Variants in NCOR2 observed in about 807,000 individuals in gnomAD.
The protein encoded by NCOR2 is nuclear receptor corepressor 2.
In NCOR2, 81 loss-of-function variants were observed where a neutral mutation model predicts 262.9. The ratio of observed to expected loss-of-function variants is 0.31; its 90% CI spans 0.26 to 0.37. NCOR2 has a LOEUF of 0.37. Ranked by LOEUF, NCOR2 falls within the 10% of genes least tolerant of loss-of-function variation. The pLI is 1.00. For synonymous variants in NCOR2, 1,659 were observed against 1,559.3 expected (o/e 1.06, Z -1.51); for missense variants, 3,385 against 3,621.4 (o/e 0.93, Z 1.68).
At chr12:124,429,652 G>T in exon 10 of NCOR2, 1 of 1,609,724 alleles carries the variant, frequency 6.2e-7, no homozygotes, top group Non-Finnish European at 8.5e-7. Flanking sequence ...CTGACACCTC[G>T]TGCTCGCTGC....
chr12:124,499,179 G>A (rs1395744921), upstream of NCOR2, among the ~76,000 whole-genome samples: 1 of 152,278 alleles, frequency 6.6e-6, no homozygotes, highest in Non-Finnish European at 1.5e-5. Context: ...GGGGGCAGGA[G>A]AGGACGAGGG....
At chr12:124,429,524 C>G in intron 10 of NCOR2, 89 bp downstream of exon 12, 1 of 1,382,012 alleles carries the variant, frequency 7.2e-7, no homozygotes, top group African/African-American at 1.4e-5. Context: ...GTAAACCACC[C>G]GGGAGGTGGT....
intron 1 of NCOR2, among the ~76,000 whole-genome samples, chr12:124,527,726 T>G (rs929979124): frequency 6.6e-6 from 1 of 152,170 alleles, no homozygotes; most frequent in African/African-American, 2.4e-5. Context: ...CCCAGTCAAT[T>G]AAATAAATTA....
intron 22 of NCOR2, among the ~76,000 whole-genome samples, chr12:124,358,129 A>ATG (rs1326409480): frequency 2.6e-4 from 23 of 88,750 alleles, no homozygotes; most frequent in Middle Eastern, 0.013. Context: ...GAGTGCATGG[A>ATG]TGTGTGTGTG....
chr12:124,539,587 C>G (rs2051227252), upstream of NCOR2: 1 of 152,490 alleles, frequency 6.6e-6, no homozygotes, highest in Admixed American at 6.5e-5. The surrounding 1 kb of genome is among the most constrained non-coding windows in gnomAD (Gnocchi z 5.1). Flanking sequence ...GCTGGCCAGG[C>G]TAGTCTCCCG....
intron 6 of NCOR2, among the ~76,000 whole-genome samples, chr12:124,456,060 G>C (rs1382088723): frequency 1.3e-5 from 2 of 152,234 alleles, no homozygotes; most frequent in Non-Finnish European, 2.9e-5. Flanking sequence ...ATTTTTTGCA[G>C]AGACAAGGTC....
At chr12:124,401,808 G>C (rs778642403) in intron 14 of NCOR2, among the ~76,000 whole-genome samples, 20 of 152,210 alleles carry the variant, frequency 1.3e-4, no homozygotes, top group Non-Finnish European at 2.6e-4. Flanking sequence ...GATGTTCTCT[G>C]AAGCCAAATT....
chr12:124,423,494 A>G (rs1010022715), intron 11 of NCOR2, among the ~76,000 whole-genome samples: 1 of 152,118 alleles, frequency 6.6e-6, no homozygotes, highest in Non-Finnish European at 1.5e-5. Context: ...GATCCTGAAC[A>G]GTCTCTGCTC....
At position 124,372,255 on chromosome 12, in the gene NCOR2, G is replaced by A. The variant is rs191065620; in HGVS notation, c.2574C>T (p.Ala858=). 456 of 1,585,102 alleles carry A rather than the reference G, an allele frequency of 2.9e-4. No homozygotes were observed. The highest frequency in any genetic ancestry group is 2.2e-3 in the African/African-American group (162 of 74,492). The change falls in exon 20 of 47, where the codon GCC becomes GCT. Residue 858 remains alanine, a synonymous_variant. Transcript: ENST00000405201. Reference sequence around the variant, plus strand: ...TGCACTCGCTCTTGACGGGCTCCTCGGCCTTCCCTGTGTCCACTGCCAGCT... The same window carrying A: ...TGCACTCGCTCTTGACGGGCTCCTCAGCCTTCCCTGTGTCCACTGCCAGCT...
At chr12:124,474,653 A>G (rs2047003401) in intron 3 of NCOR2, among the ~76,000 whole-genome samples, 1 of 152,170 alleles carries the variant, frequency 6.6e-6, no homozygotes, top group Admixed American at 6.5e-5. Flanking sequence ...TTCCTGCCTC[A>G]GTTCCTCATC....
intron 4 of NCOR2, among the ~76,000 whole-genome samples, chr12:124,469,756 C>T (rs1295955058): frequency 6.6e-6 from 1 of 152,194 alleles, no homozygotes; most frequent in African/African-American, 2.4e-5. Context: ...AAAACTGCTG[C>T]ACAGCAGTGA....
intron 22 of NCOR2, among the ~76,000 whole-genome samples, chr12:124,360,688 G>A (rs879925815): frequency 1.3e-4 from 11 of 84,734 alleles, no homozygotes; most frequent in Admixed American, 6.1e-4. Context: ...AACCACCCCC[G>A]GCGACTCCTC....
intron 1 of NCOR2, among the ~76,000 whole-genome samples, chr12:124,528,683 T>G (rs978661587): frequency 6.6e-6 from 1 of 152,174 alleles, no homozygotes; most frequent in African/African-American, 2.4e-5. Flanking sequence ...AGGAAAAAGG[T>G]GGTCCTGGCC....
intron 6 of NCOR2, among the ~76,000 whole-genome samples, chr12:124,456,560 C>T (rs2045871179): frequency 6.6e-6 from 1 of 152,222 alleles, no homozygotes; most frequent in South Asian, 2.1e-4. Context: ...TTACTGTTTA[C>T]AAGGCAGGCG....
chr12:124,494,233 A>G (rs1350709891), intron 1 of NCOR2, among the ~76,000 whole-genome samples: 2 of 151,808 alleles, frequency 1.3e-5, no homozygotes, highest in African/African-American at 4.8e-5. Context: ...ACACACACAC[A>G]CGCACACACG....
At chr12:124,527,702 C>T (rs918630751) in intron 1 of NCOR2, among the ~76,000 whole-genome samples, 17 of 152,176 alleles carry the variant, frequency 1.1e-4, no homozygotes, top group Non-Finnish European at 8.8e-5. Context: ...ACATTACAGA[C>T]GTGAGCCACT....
intron 43 of NCOR2, chr12:124,331,552 G>C (rs914955535): frequency 1.9e-5 from 3 of 153,882 alleles, no homozygotes; most frequent in African/African-American, 7.2e-5. Flanking sequence ...GACCTCCGAG[G>C]CTCAAGAAAT....
At chr12:124,347,983 G>T in intron 29 of NCOR2, 72 bp from the exon 32 acceptor site, 1 of 1,500,196 alleles carries the variant, frequency 6.7e-7, no homozygotes, top group Non-Finnish European at 9.1e-7. Flanking sequence ...AGGGGTCAGT[G>T]TTTACAGCCG....
At chr12:124,445,675 A>C (rs561083694) in intron 7 of NCOR2, among the ~76,000 whole-genome samples, 1 of 152,098 alleles carries the variant, frequency 6.6e-6, no homozygotes, top group Non-Finnish European at 1.5e-5. Context: ...GGATCATCTC[A>C]TTGTCCCATG....
Sources: allele counts gnomAD v4.1 joint callset (sites outside exome capture counted in the v4.1 genomes callset), GRCh38; gene constraint gnomAD v4.1.1; non-coding constraint Gnocchi (gnomAD v3.1); transcripts MANE v1.5; gene names NCBI Gene and HGNC (gene_info 2026-07-23, HGNC 2026-07-21).